Variants in MSI2 observed in about 807,000 individuals in gnomAD.
MSI2 encodes RNA-binding protein Musashi homolog 2.
Under a neutral mutation model 45.6 loss-of-function variants are expected in MSI2, and 17 were observed. That is an observed-to-expected ratio of 0.37 (90% CI 0.26 to 0.56). The LOEUF (loss-of-function observed/expected upper bound fraction) is 0.56. MSI2 is among the 20% of genes least tolerant of loss of function. The pLI, the probability that MSI2 is intolerant of heterozygous loss-of-function variation, is 0.77. For synonymous variants in MSI2, 156 were observed against 158.2 expected (o/e 0.99, Z 0.11); for missense variants, 293 against 444.2 (o/e 0.66, Z 3.06).
rs571796073 is a variant in MSI2 at position 57,329,306 on chromosome 17, T to A, written c.312+67114T>A. Among the ~76,000 whole-genome samples the A allele has an allele frequency of 4.6e-5, 7 of 152,380 alleles. No homozygotes were observed. In the East Asian group the frequency reaches 1.3e-3, roughly 29 times the overall value. On this transcript the variant is annotated intron_variant, in intron 5 of 13. Transcript: ENST00000284073. ...AACACTGTATTTCTTTTGGCTTGGT[T>A]GTTAAAGACAAGTAAATAATTTTTT... is the stretch of plus-strand genomic sequence containing the variant.
intron 8 of MSI2, among the ~76,000 whole-genome samples, chr17:57,604,948 G>T (rs1906376539): frequency 1.4e-5 from 2 of 141,182 alleles, no homozygotes; most frequent in South Asian, 5.1e-4. Context: ...AAAAGTGGTG[G>T]GTGTATTTGT....
At chr17:57,536,589 G>C (rs2086925149) in intron 7 of MSI2, among the ~76,000 whole-genome samples, 1 of 152,166 alleles carries the variant, frequency 6.6e-6, no homozygotes, top group Admixed American at 6.5e-5. Flanking sequence ...ACTAATTGTT[G>C]ATGGTGTTAA....
intron 5 of MSI2, among the ~76,000 whole-genome samples, chr17:57,355,680 G>A (rs745573630): frequency 2.4e-4 from 36 of 152,124 alleles, no homozygotes; most frequent in Admixed American, 9.2e-4. Flanking sequence ...CCCTTGTTCT[G>A]GCAATGCTAT....
intron 2 of MSI2, 75 bp downstream of exon 2, chr17:57,257,213 GGA>G (rs1906849744): frequency 3.6e-6 from 2 of 555,766 alleles, no homozygotes; most frequent in Non-Finnish European, 5.3e-6. Context: ...TCCCGGTGTA[GGA>G]GCCCCCCCCC....
intron 6 of MSI2, among the ~76,000 whole-genome samples, chr17:57,480,677 A>T (rs2085631370): frequency 6.6e-6 from 1 of 152,190 alleles, no homozygotes; most frequent in South Asian, 2.1e-4. Flanking sequence ...TAGACGAGGG[A>T]AAGAGATTTA....
chr17:57,345,099 G>T (rs1478057658), intron 5 of MSI2, among the ~76,000 whole-genome samples: 2 of 152,076 alleles, frequency 1.3e-5, no homozygotes, highest in African/African-American at 4.8e-5. Flanking sequence ...AGGGTTCAAG[G>T]CTTGTTTGCA....
chr17:57,403,733 C>A (rs545021182), intron 6 of MSI2, among the ~76,000 whole-genome samples: 20 of 152,248 alleles, frequency 1.3e-4, no homozygotes, highest in African/African-American at 4.6e-4. Context: ...TCCCCTTGGG[C>A]AGGACTCACC....
At chr17:57,331,060 C>T (rs1052720732) in intron 5 of MSI2, among the ~76,000 whole-genome samples, 13 of 151,980 alleles carry the variant, frequency 8.6e-5, no homozygotes, top group Non-Finnish European at 1.5e-4. Context: ...ATTACAGGCA[C>T]GCACCACCAT....
chr17:57,361,799 C>T (rs1916832415), intron 5 of MSI2, among the ~76,000 whole-genome samples: 1 of 152,022 alleles, frequency 6.6e-6, no homozygotes, highest in South Asian at 2.1e-4. Flanking sequence ...ATAAGTGGAC[C>T]CACATGGTTT....
intron 10 of MSI2, among the ~76,000 whole-genome samples, chr17:57,641,262 A>G (rs1235087220): frequency 2.0e-5 from 3 of 152,220 alleles, no homozygotes; most frequent in Non-Finnish European, 4.4e-5. Context: ...GGGCCAAAGT[A>G]GGAAACCTGG....
chr17:57,429,417 T>C (rs963056866), intron 6 of MSI2, among the ~76,000 whole-genome samples: 3 of 152,218 alleles, frequency 2.0e-5, no homozygotes, highest in African/African-American at 7.2e-5. Context: ...GTAATGACCA[T>C]CCAGTGACTC....
chr17:57,642,815 C>T (rs1300322347), intron 10 of MSI2, among the ~76,000 whole-genome samples: 1 of 152,190 alleles, frequency 6.6e-6, no homozygotes, highest in Admixed American at 6.5e-5. Context: ...CTGCAGCTCA[C>T]TGCGGAAGTT....
intron 5 of MSI2, among the ~76,000 whole-genome samples, chr17:57,361,444 A>T (rs892172866): frequency 7.2e-6 from 1 of 139,516 alleles, no homozygotes; most frequent in Non-Finnish European, 1.5e-5. Flanking sequence ...TACAAAAAAT[A>T]AAAAAAAAAA....
chr17:57,583,255 A>G (rs574154481), intron 7 of MSI2, among the ~76,000 whole-genome samples: 3 of 152,330 alleles, frequency 2.0e-5, no homozygotes, highest in African/African-American at 7.2e-5. Flanking sequence ...TTACCTGTAA[A>G]CAGCACAAGG....
intron 7 of MSI2, among the ~76,000 whole-genome samples, chr17:57,590,500 G>A (rs932167587): frequency 6.6e-6 from 1 of 152,158 alleles, no homozygotes; most frequent in African/African-American, 2.4e-5. Context: ...AGGGGGAAAA[G>A]GTTTGACTGT....
rs542567169 is a variant in MSI2 at position 57,526,062 on chromosome 17, TA to T, written c.406-3609del. 1.4e-3 allele frequency among the ~76,000 whole-genome samples: 208 copies of T among 151,974 alleles called. 1 individual carries two copies. Among genetic ancestry groups the T allele is most frequent in the African/African-American group, 4.9e-3 (205 of 41,452 alleles). Reference sequence around the variant, plus strand: ...CAATGTGGTGAAACCCCGTCTCTACTAAAAATACAAAAATTAGCCAGGCATG... The same window carrying T: ...CAATGTGGTGAAACCCCGTCTCTACTAAAATACAAAAATTAGCCAGGCATG... On this transcript the variant is annotated intron_variant, in intron 6 of 13. Coordinates refer to ENST00000284073, the MANE Select transcript of MSI2 (RefSeq NM_138962.4).
chr17:57,358,353 G>A (rs1488289500), intron 5 of MSI2, among the ~76,000 whole-genome samples: 1 of 152,122 alleles, frequency 6.6e-6, no homozygotes, highest in African/African-American at 2.4e-5. Flanking sequence ...AAGGTTAAGG[G>A]CTTGCCAGGT....
At chr17:57,471,382 C>T (rs2143687957) in intron 6 of MSI2, among the ~76,000 whole-genome samples, 1 of 150,562 alleles carries the variant, frequency 6.6e-6, no homozygotes, top group South Asian at 2.1e-4. Context: ...CCTCCGCCTC[C>T]TGGGTTCAAG....
chr17:57,426,844 T>A (rs1693538295), intron 6 of MSI2, among the ~76,000 whole-genome samples: 1 of 152,226 alleles, frequency 6.6e-6, no homozygotes, highest in Admixed American at 6.5e-5. Context: ...TCTGCAGTGT[T>A]CAGCGTTAGA....
Sources: gnomAD v4.1 joint callset for allele counts (sites outside exome capture counted in the v4.1 genomes callset) on GRCh38, gnomAD v4.1.1 for gene constraint, MANE v1.5 for transcripts, NCBI Gene and HGNC (gene_info 2026-07-23, HGNC 2026-07-21) for gene names.